Variants in RBPJ observed in about 807,000 individuals in gnomAD.
The protein encoded by RBPJ is recombining binding protein suppressor of hairless.
Under a neutral mutation model 67.8 loss-of-function variants are expected in RBPJ, and 9 were observed. The ratio of observed to expected loss-of-function variants is 0.13; its 90% CI spans 0.08 to 0.23. RBPJ has a LOEUF of 0.23. RBPJ is among the 10% of genes least tolerant of loss of function. The pLI, the probability that RBPJ is intolerant of heterozygous loss-of-function variation, is 1.00. For missense variants in RBPJ, 305 were observed against 595.6 expected (o/e 0.51, Z 5.08); for synonymous variants, 198 against 203.3 (o/e 0.97, Z 0.22).
At chr4:26,249,765 T>G (rs977108860) in intron 1 of RBPJ, among the ~76,000 whole-genome samples, 1 of 151,944 alleles carries the variant, frequency 6.6e-6, no homozygotes, top group Non-Finnish European at 1.5e-5. Context: ...TCACTACTAT[T>G]TTCAGAACTT....
rs2109853515 is a variant in RBPJ, at chr4:26,433,870, TTTAC to T, written c.*2864_*2867del. The T allele has an allele frequency of 6.6e-6, 1 of 152,326 alleles. No homozygotes were observed. The highest frequency in any genetic ancestry group is 1.9e-4 in the East Asian group (1 of 5,186). 9.4% of individuals were successfully genotyped at this position (152,326 alleles called of 1,614,324 possible). A position where few individuals can be genotyped will look rare whatever the true frequency, so the allele number is the denominator to read the frequency against. The stretch of plus-strand genomic sequence containing the variant: ...ATGGCATTATTAGACATGCTGGTCA[TTTAC>T]CCTCAGAAAGACTCTCTTATTAGAA... On this transcript the variant is annotated 3_prime_UTR_variant, in exon 11 of 11. Transcript: ENST00000355476.
At chr4:26,399,537 G>A (rs201746451) in intron 2 of RBPJ, among the ~76,000 whole-genome samples, 4 of 137,980 alleles carry the variant, frequency 2.9e-5, no homozygotes, top group African/African-American at 7.9e-5. Context: ...TTTTTTTTCT[G>A]TATAAAAAAA....
At chr4:26,181,374 C>G (rs1190759354) in intron 1 of RBPJ, among the ~76,000 whole-genome samples, 1 of 152,194 alleles carries the variant, frequency 6.6e-6, no homozygotes, top group Non-Finnish European at 1.5e-5. Flanking sequence ...AGACCGCATT[C>G]AGAACACTCC....
chr4:26,134,581 C>T, the RBPJ span, among the ~76,000 whole-genome samples: 1 of 152,230 alleles, frequency 6.6e-6, no homozygotes, highest in Non-Finnish European at 1.5e-5. Flanking sequence ...CACATGGGTG[C>T]TCCCTGCAAA....
At chr4:26,248,139 A>T (rs1388329245) in intron 1 of RBPJ, among the ~76,000 whole-genome samples, 1 of 152,118 alleles carries the variant, frequency 6.6e-6, no homozygotes, top group Non-Finnish European at 1.5e-5. Flanking sequence ...AAAAATACAA[A>T]AATTAGCCAG....
intron 1 of RBPJ, among the ~76,000 whole-genome samples, chr4:26,339,206 A>G (rs1432949821): frequency 1.3e-5 from 2 of 152,194 alleles, no homozygotes; most frequent in African/African-American, 4.8e-5. Flanking sequence ...TTTAGTACCC[A>G]GGAGGTCTCT....
chr4:26,383,303 G>A (rs1730505924), intron 1 of RBPJ, among the ~76,000 whole-genome samples: 1 of 152,190 alleles, frequency 6.6e-6, no homozygotes, highest in Admixed American at 6.5e-5. Context: ...AGAGCATCAA[G>A]GAGCAAAATT....
upstream of RBPJ, among the ~76,000 whole-genome samples, chr4:26,318,507 G>A (rs1018714842): frequency 6.6e-6 from 1 of 152,188 alleles, no homozygotes; most frequent in Non-Finnish European, 1.5e-5. Context: ...ATATTAGTGG[G>A]AGGAAAAAAC....
At chr4:26,320,898 G>C, upstream of RBPJ, 2 of 1,591,794 alleles carry the variant, frequency 1.3e-6, no homozygotes, top group Non-Finnish European at 8.5e-7. Context: ...GCGGCGGCGA[G>C]GGGAAAGGGA....
intron 1 of RBPJ, among the ~76,000 whole-genome samples, chr4:26,244,653 A>G (rs1333454640): frequency 1.3e-5 from 2 of 151,988 alleles, no homozygotes; most frequent in Non-Finnish European, 2.9e-5. Flanking sequence ...TTTAAGATGG[A>G]GTCTCGCTCT....
intron 1 of RBPJ, among the ~76,000 whole-genome samples, chr4:26,252,358 G>A (rs2109238009): frequency 6.6e-6 from 1 of 152,228 alleles, no homozygotes; most frequent in Non-Finnish European, 1.5e-5. Context: ...CACTTTGGGA[G>A]GCCGAGGTGG....
At chr4:26,169,437 G>T (rs1471192767) in intron 1 of RBPJ, among the ~76,000 whole-genome samples, 1 of 152,196 alleles carries the variant, frequency 6.6e-6, no homozygotes, top group Non-Finnish European at 1.5e-5. Context: ...TGGAAATTTT[G>T]TCTCAGAGGA....
chr4:26,221,385 CG>C (rs1718906022), intron 1 of RBPJ, among the ~76,000 whole-genome samples: 1 of 152,162 alleles, frequency 6.6e-6, no homozygotes, highest in Admixed American at 6.5e-5. Context: ...CCACCGTGCC[CG>C]GCCTTAAATA....
At chr4:26,339,876 G>A (rs1223292529) in intron 1 of RBPJ, among the ~76,000 whole-genome samples, 5 of 152,014 alleles carry the variant, frequency 3.3e-5, no homozygotes, top group African/African-American at 7.2e-5. Flanking sequence ...AAAATTAGCC[G>A]GGCATGATGG....
At chr4:26,357,624 G>A (rs1286427256) in intron 1 of RBPJ, among the ~76,000 whole-genome samples, 1 of 152,090 alleles carries the variant, frequency 6.6e-6, no homozygotes, top group Non-Finnish European at 1.5e-5. Flanking sequence ...GTACAGTTTA[G>A]TGGTAGTAAG....
At chr4:26,164,268 T>A (rs1404614112) in intron 1 of RBPJ, among the ~76,000 whole-genome samples, 1 of 152,232 alleles carries the variant, frequency 6.6e-6, no homozygotes. Flanking sequence ...CACTTGTACA[T>A]ACATACACTA....
intron 1 of RBPJ, among the ~76,000 whole-genome samples, chr4:26,364,295 A>T (rs1218208665): frequency 6.6e-6 from 1 of 152,230 alleles, no homozygotes; most frequent in Non-Finnish European, 1.5e-5. Flanking sequence ...TATAACAGTG[A>T]TCTAATCAAG....
intron 1 of RBPJ, among the ~76,000 whole-genome samples, chr4:26,381,260 T>C (rs998778002): frequency 6.6e-6 from 1 of 151,994 alleles, no homozygotes; most frequent in Non-Finnish European, 1.5e-5. Context: ...AGAAGCAAAT[T>C]ATGTGGTTTG....
At chr4:26,273,490 G>C (rs1318957266) in intron 1 of RBPJ, among the ~76,000 whole-genome samples, 2 of 152,222 alleles carry the variant, frequency 1.3e-5, no homozygotes, top group Non-Finnish European at 2.9e-5. Flanking sequence ...CAGCTAGGAT[G>C]AAGATCTTTC....
Sources: gnomAD v4.1 joint callset for allele counts (sites outside exome capture counted in the v4.1 genomes callset) on GRCh38, gnomAD v4.1.1 for gene constraint, MANE v1.5 for transcripts, NCBI Gene and HGNC (gene_info 2026-07-23, HGNC 2026-07-21) for gene names.